The following SH3GL1 variants were observed in gnomAD, a reference collection of about 807,000 sequenced individuals.
SH3GL1 encodes SH3 domain containing GRB2 like 1, endophilin A2, also known as endophilin-A2.
A neutral mutation model predicts 48.8 loss-of-function variants in SH3GL1; 21 were observed. That is an observed-to-expected ratio of 0.43 (90% CI 0.30 to 0.62). The LOEUF (loss-of-function observed/expected upper bound fraction) is 0.62. Among genes scored for constraint, SH3GL1 ranks in the 20% least tolerant of loss-of-function variants. The pLI is 0.11. For synonymous variants in SH3GL1, 282 were observed against 217.5 expected (o/e 1.30, Z -2.61); for missense variants, 454 against 503.0 (o/e 0.90, Z 0.93).
chr19:4,381,500 CCT>C (rs1205734120), intron 1 of SH3GL1, among the ~76,000 whole-genome samples: 5 of 120,934 alleles, frequency 4.1e-5, no homozygotes, highest in South Asian at 3.5e-4. Context: ...CGTTCTCCTG[CCT>C]CTGTCTCCCC....
chr19:4,374,843 C>T (rs1330894867), intron 1 of SH3GL1, among the ~76,000 whole-genome samples: 2 of 151,992 alleles, frequency 1.3e-5, no homozygotes, highest in East Asian at 3.9e-4. Flanking sequence ...GTGGGGGAGG[C>T]TGCGGGCTGC....
intron 7 of SH3GL1, 25 bp downstream of exon 7, chr19:4,363,344 TG>T: frequency 6.4e-7 from 1 of 1,559,520 alleles, no homozygotes; most frequent in Non-Finnish European, 8.7e-7. Flanking sequence ...GCCCAGACTC[TG>T]GAGAGACCAA....
intron 1 of SH3GL1, among the ~76,000 whole-genome samples, chr19:4,383,500 C>G (rs1350389742): frequency 6.6e-6 from 1 of 152,102 alleles, no homozygotes; most frequent in Non-Finnish European, 1.5e-5. Context: ...TTCCAAAGTG[C>G]TGGGTGACAG....
chr19:4,375,493 A>C (rs1972989560), intron 1 of SH3GL1, among the ~76,000 whole-genome samples: 1 of 152,202 alleles, frequency 6.6e-6, no homozygotes, highest in Non-Finnish European at 1.5e-5. Context: ...TTCCCAGGAG[A>C]CGGGAGGACA....
chr19:4,365,101 G>A (rs986176128), intron 4 of SH3GL1, among the ~76,000 whole-genome samples: 3 of 151,884 alleles, frequency 2.0e-5, no homozygotes, highest in Admixed American at 6.6e-5. Context: ...CCCAGGGCCC[G>A]GAAATTGGAA....
intron 1 of SH3GL1, among the ~76,000 whole-genome samples, chr19:4,368,285 T>G (rs1599596658): frequency 6.6e-6 from 1 of 151,784 alleles, no homozygotes. Context: ...GGCTGGGGGG[T>G]GTCCAGCAGG....
intron 3 of SH3GL1, among the ~76,000 whole-genome samples, chr19:4,366,253 G>C (rs2144866967): frequency 6.6e-6 from 1 of 152,336 alleles, no homozygotes; most frequent in Non-Finnish European, 1.5e-5. Flanking sequence ...CTGGCTGGAA[G>C]AGGGGTTGAA....
At chr19:4,363,920 A>G in intron 5 of SH3GL1, 42 bp from the exon 6 acceptor site, 1 of 1,611,070 alleles carries the variant, frequency 6.2e-7, no homozygotes, top group African/African-American at 1.3e-5. Flanking sequence ...TAGCGGCCAG[A>G]GGGCCGCCCC....
chr19:4,395,993 T>A (rs1393904336), intron 1 of SH3GL1: 1 of 152,022 alleles, frequency 6.6e-6, no homozygotes, highest in Non-Finnish European at 1.5e-5. Flanking sequence ...TTATGGTGGA[T>A]CTAGCTCCCC....
At chr19:4,395,215 C>T (rs1013625753) in intron 1 of SH3GL1, among the ~76,000 whole-genome samples, 1 of 152,096 alleles carries the variant, frequency 6.6e-6, no homozygotes, top group African/African-American at 2.4e-5. Flanking sequence ...GAGTGCAGTG[C>T]TACAATCAGG....
intron 5 of SH3GL1, 80 bp downstream of exon 5, chr19:4,364,008 G>A (rs1012018668): frequency 5.5e-5 from 88 of 1,604,950 alleles, no homozygotes; most frequent in Non-Finnish European, 6.3e-5. Flanking sequence ...TGCCGAGGCT[G>A]GAGGTGAGGG....
At chr19:4,395,948 A>G (rs772564063) in intron 1 of SH3GL1, 3 of 152,110 alleles carry the variant, frequency 2.0e-5, no homozygotes, top group African/African-American at 7.2e-5. Context: ...CACAATATGT[A>G]TATGATAAAC....
At chr19:4,391,923 C>A (rs1350811949) in intron 1 of SH3GL1, among the ~76,000 whole-genome samples, 1 of 152,248 alleles carries the variant, frequency 6.6e-6, no homozygotes, top group African/African-American at 2.4e-5. Context: ...GTACATGCCG[C>A]ACGTTCCTGG....
intron 1 of SH3GL1, among the ~76,000 whole-genome samples, chr19:4,372,113 C>A (rs567936150): frequency 5.1e-4 from 78 of 152,336 alleles, no homozygotes; most frequent in Middle Eastern, 6.8e-3. Context: ...TGGCCAAGGC[C>A]ATACATTTAC....
intron 1 of SH3GL1, among the ~76,000 whole-genome samples, chr19:4,383,948 GAC>G (rs1481361349): frequency 6.6e-6 from 1 of 152,196 alleles, no homozygotes; most frequent in Non-Finnish European, 1.5e-5. Context: ...TGCGATGGGT[GAC>G]AGATTTTTTG....
At chr19:4,396,943 A>AC (rs1335936654) in intron 1 of SH3GL1, among the ~76,000 whole-genome samples, 1 of 152,164 alleles carries the variant, frequency 6.6e-6, no homozygotes, top group Non-Finnish European at 1.5e-5. Context: ...TTACCCTTAG[A>AC]CCGGATAAGC....
chr19:4,369,425 A>G (rs911728548), intron 1 of SH3GL1, among the ~76,000 whole-genome samples: 33 of 152,214 alleles, frequency 2.2e-4, no homozygotes, highest in Non-Finnish European at 1.9e-4. Flanking sequence ...TTCTGGGCGG[A>G]GGCCACCCCG....
chr19:4,360,737 C>T lies in SH3GL1; in HGVS notation c.*863G>A, dbSNP rs1972583496. On this transcript the variant is annotated 3_prime_UTR_variant, in exon 10 of 10. Coordinates refer to ENST00000269886, the MANE Select transcript of SH3GL1 (RefSeq NM_003025.4). ...TGGCCACCAGGGGCTGGGACATGCG[C>T]TCACTGGAACCTTTGTGCTTGGCCC... is the stretch of plus-strand genomic sequence containing the variant. 2 of 233,468 alleles carry T rather than the reference C, an allele frequency of 8.6e-6. No homozygotes were observed. Among genetic ancestry groups the T allele is most frequent in the African/African-American group, 4.4e-5 (2 of 45,340 alleles). The allele number at this position is 233,468 out of a possible 1,614,324, so 14.5% of individuals were successfully genotyped here. A position where few individuals can be genotyped will look rare whatever the true frequency, so the allele number is the denominator to read the frequency against.
intron 1 of SH3GL1, among the ~76,000 whole-genome samples, chr19:4,385,038 A>G (rs1223244784): frequency 1.4e-5 from 2 of 144,518 alleles, no homozygotes; most frequent in African/African-American, 5.2e-5. Context: ...TGGGAGCGGG[A>G]GGTTGCAGTG....
Sources: allele counts gnomAD v4.1 joint callset (sites outside exome capture counted in the v4.1 genomes callset), GRCh38; gene constraint gnomAD v4.1.1; transcripts MANE v1.5; gene names NCBI Gene and HGNC (gene_info 2026-07-23, HGNC 2026-07-21).